ADPRHL1: variants seen among roughly 807,000 people sequenced by gnomAD.
ADPRHL1 encodes the protein inactive ADP-ribosyltransferase ARH2.
Under a neutral mutation model 44.1 loss-of-function variants are expected in ADPRHL1, and 43 were observed. The observed-to-expected ratio is 0.98, with a 90% CI of 0.76 to 1.26. ADPRHL1 has a LOEUF of 1.26. ADPRHL1 is among the 50% of genes most tolerant of loss of function. ADPRHL1 has a pLI of 0.00. For missense variants in ADPRHL1, 2,022 were observed against 2,496.9 expected (o/e 0.81, Z 4.05); for synonymous variants, 878 against 1,017.4 (o/e 0.86, Z 2.61).
Position 113,440,576 on chromosome 13 carries a change from C to T in ADPRHL1, c.379+3849G>A, listed in dbSNP as rs373937449. ...GTTCAAGCAATTCTCCTGCCTCAGC[C>T]TCCCAAGTAGCTGGGATTACAGGGG... On this transcript the variant is annotated intron_variant, in intron 2 of 7. Coordinates refer to ENST00000612156, the MANE Select transcript of ADPRHL1 (RefSeq NM_001394807.1). 3.5e-3 allele frequency among the ~76,000 whole-genome samples: 535 copies of T among 152,028 alleles called. 3 individuals are homozygous for T. Among genetic ancestry groups the T allele is most frequent in the South Asian group, 0.011 (55 of 4,818 alleles).
intron 3 of ADPRHL1, 29 bp from the exon 4 acceptor site, chr13:113,429,121 C>T (rs2043989222): frequency 5.0e-6 from 8 of 1,595,648 alleles, no homozygotes; most frequent in Non-Finnish European, 6.8e-6. Context: ...AGAGGGGGCA[C>T]CATCACCTGG....
rs8002672 is a variant in ADPRHL1 at position 113,402,532 on chromosome 13, A to C, written c.*846T>G. On this transcript the variant is annotated 3_prime_UTR_variant, in exon 8 of 8. Coordinates refer to ENST00000612156, the MANE Select transcript of ADPRHL1 (RefSeq NM_001394807.1). ...TGCTGTTCGGGAGGACGGAGGACAGACAGCGAGGCTCTCAGGTCACCGGCA... is the reference window on the plus strand; with the variant it reads ...TGCTGTTCGGGAGGACGGAGGACAGCCAGCGAGGCTCTCAGGTCACCGGCA... The C allele has an allele frequency of 1.3e-5, 2 of 152,344 alleles. No individual in the cohort carries two copies. Among genetic ancestry groups the C allele is most frequent in the African/African-American group, 4.8e-5 (2 of 41,444 alleles). The allele number at this position is 152,344 out of a possible 1,614,324, so 9.4% of individuals were successfully genotyped here.
intron 4 of ADPRHL1, among the ~76,000 whole-genome samples, chr13:113,426,163 G>A (rs1485052282): frequency 6.6e-6 from 1 of 152,226 alleles, no homozygotes; most frequent in Admixed American, 6.5e-5. Flanking sequence ...AGAGGACGCT[G>A]ACTCAGAAGG....
intron 1 of ADPRHL1, among the ~76,000 whole-genome samples, chr13:113,452,056 G>A (rs1045941725): frequency 6.6e-6 from 1 of 152,210 alleles, no homozygotes; most frequent in Non-Finnish European, 1.5e-5. Flanking sequence ...ACGCCCAGAG[G>A]AAGCCAAACT....
rs2043908421 is a variant in ADPRHL1, at chr13:113,420,205, C to A, written c.1061+2621G>T. Reference sequence around the variant, plus strand: ...AGTGTCCCCTCAGTGCTTTCTTTGGCTTTTTCTTTTCAACTTTTGGGTGTC... The same window carrying A: ...AGTGTCCCCTCAGTGCTTTCTTTGGATTTTTCTTTTCAACTTTTGGGTGTC... On this transcript the variant is annotated intron_variant, in intron 7 of 7. Coordinates refer to ENST00000612156, the MANE Select transcript of ADPRHL1 (RefSeq NM_001394807.1). Among the ~76,000 whole-genome samples, 5 of 152,264 alleles carry A rather than the reference C, an allele frequency of 3.3e-5. No individual in the cohort carries two copies. In the Middle Eastern group the frequency reaches 0.017, roughly 518 times the overall value.
At chr13:113,424,169 GA>G (rs1409260819) in intron 6 of ADPRHL1, 47 bp downstream of exon 6, 1 of 1,607,184 alleles carries the variant, frequency 6.2e-7, no homozygotes, top group African/African-American at 1.3e-5. Flanking sequence ...TGCTTCAGAA[GA>G]AGGGTGCTAC....
At chr13:113,423,638 G>T (rs1388709450) in intron 6 of ADPRHL1, among the ~76,000 whole-genome samples, 2 of 152,248 alleles carry the variant, frequency 1.3e-5, no homozygotes, top group African/African-American at 4.8e-5. Flanking sequence ...GACCTTACGG[G>T]TAGGAGCTGC....
intron 7 of ADPRHL1, among the ~76,000 whole-genome samples, chr13:113,408,853 G>T (rs1229094995): frequency 1.3e-5 from 2 of 151,260 alleles, no homozygotes; most frequent in East Asian, 2.0e-4. Flanking sequence ...GGAGGAGGGG[G>T]CTGCAGAGAG....
intron 1 of ADPRHL1, among the ~76,000 whole-genome samples, chr13:113,444,924 C>T (rs2044126579): frequency 6.6e-6 from 1 of 152,184 alleles, no homozygotes; most frequent in African/African-American, 2.4e-5. Context: ...CACCCAGCCC[C>T]ACCGTGCCCC....
In ADPRHL1 at chr13:113,400,346, G is replaced by GTGTT. The variant is rs970040958; in HGVS notation, c.*3028_*3031dup. On this transcript the variant is annotated 3_prime_UTR_variant, in exon 8 of 8. Coordinates refer to ENST00000612156, the MANE Select transcript of ADPRHL1 (RefSeq NM_001394807.1). ...TTTTTAGTAGAGACAGGGTTTCACT[G>GTGTT]TGTTAGCCAGGATGGTCTTGATCTC... 3 of 151,490 alleles carry GTGTT rather than the reference G, an allele frequency of 2.0e-5. No individual in the cohort carries two copies. The highest frequency in any genetic ancestry group is 1.3e-4 in the Admixed American group (2 of 15,222). 9.4% of individuals were successfully genotyped at this position (151,490 alleles called of 1,614,324 possible).
intron 7 of ADPRHL1, among the ~76,000 whole-genome samples, chr13:113,412,807 GCACCC>G (rs1566467684): frequency 2.5e-4 from 22 of 88,510 alleles, no homozygotes; most frequent in African/African-American, 4.9e-4. Flanking sequence ...ACCGCCAACA[GCACCC>G]CGCAGAACTC....
chr13:113,410,186 C>A, intron 7 of ADPRHL1: 1 of 949,078 alleles, frequency 1.1e-6, no homozygotes, highest in African/African-American at 1.8e-5. Context: ...CACAGGACTC[C>A]GCTTCCCCCA....
At chr13:113,429,171 G>C in intron 3 of ADPRHL1, 79 bp from the exon 4 acceptor site, 1 of 1,536,590 alleles carries the variant, frequency 6.5e-7, no homozygotes, top group Non-Finnish European at 8.8e-7. Flanking sequence ...CACGCTGCGT[G>C]GGACTCCCGA....
chr13:113,433,880 G>C lies in ADPRHL1; in HGVS notation c.380-13C>G, dbSNP rs1566477019. ...CCAAACCCTGAGCCTGTGTGGAGAA[G>C]GAAGAGCTAGTTTAGACTTCTGCTC... On this transcript the variant is annotated splice_polypyrimidine_tract_variant and intron_variant, in intron 2 of 7. Transcript: ENST00000612156. 4 of 1,532,112 alleles carry C rather than the reference G, an allele frequency of 2.6e-6. No individual in the cohort carries two copies. Among genetic ancestry groups the C allele is most frequent in the Non-Finnish European group, 3.5e-6 (4 of 1,131,468 alleles). The allele number at this position is 1,532,112 out of a possible 1,614,324, so 94.9% of individuals were successfully genotyped here.
At chr13:113,413,434 C>T (rs2043870201) in intron 7 of ADPRHL1, among the ~76,000 whole-genome samples, 1 of 152,230 alleles carries the variant, frequency 6.6e-6, no homozygotes, top group Admixed American at 6.5e-5. Flanking sequence ...CAAAGGGGAA[C>T]AGCGTGGACG....
In ADPRHL1 at chr13:113,403,779, TC is replaced by T; in HGVS notation, c.5502del (p.Ser1835ValfsTer121). On this transcript the variant is annotated frameshift_variant, in exon 8 of 8. Coordinates refer to ENST00000612156, the MANE Select transcript of ADPRHL1 (RefSeq NM_001394807.1). LOFTEE classifies it low-confidence loss of function (END_TRUNC). ...GGGGCTGGGCTTCTGGACCCCCCAC[TC>T]CTGCCAGCAGCATCCACTCCCTCAG... ...GIAEGVDAAG[R>X]SGGSRSPAPR... The T allele has an allele frequency of 8.1e-7, 1 of 1,233,136 alleles. No homozygotes were observed. Among genetic ancestry groups the T allele is most frequent in the Non-Finnish European group, 1.0e-6 (1 of 989,166 alleles). The allele number at this position is 1,233,136 out of a possible 1,614,324, so 76.4% of individuals were successfully genotyped here. A position where few individuals can be genotyped will look rare whatever the true frequency, so the allele number is the denominator to read the frequency against.
At chr13:113,426,741 G>A (rs552151974) in intron 4 of ADPRHL1, among the ~76,000 whole-genome samples, 1 of 152,354 alleles carries the variant, frequency 6.6e-6, no homozygotes, top group East Asian at 1.9e-4. Flanking sequence ...AACCCACAGG[G>A]CCTGAAACTC....
At chr13:113,445,041 TC>T (rs1386668563) in intron 1 of ADPRHL1, among the ~76,000 whole-genome samples, 1 of 152,140 alleles carries the variant, frequency 6.6e-6, no homozygotes, top group Non-Finnish European at 1.5e-5. Flanking sequence ...TCCAGCTCCT[TC>T]TTCTCTTGCC....
intron 5 of ADPRHL1, 85 bp downstream of exon 5, chr13:113,424,967 C>G: frequency 6.6e-7 from 1 of 1,521,992 alleles, no homozygotes; most frequent in Non-Finnish European, 9.0e-7. Flanking sequence ...TTCACCTACC[C>G]ACCCACCCAT....
Sources: allele counts gnomAD v4.1 joint callset (sites outside exome capture counted in the v4.1 genomes callset), GRCh38; gene constraint gnomAD v4.1.1; transcripts MANE v1.5; gene names NCBI Gene and HGNC (gene_info 2026-07-23, HGNC 2026-07-21).